Variants in RTL4 observed in about 807,000 individuals in gnomAD.
RTL4 encodes retrotransposon Gag like 4.
RTL4 carries 4 observed loss-of-function variants against 5.3 expected under a neutral mutation model. The ratio of observed to expected loss-of-function variants is 0.75; its 90% confidence interval spans 0.37 to 1.72. The LOEUF (loss-of-function observed/expected upper bound fraction) is 1.72, where lower values mean the gene tolerates loss of function less well. RTL4 is among the 40% of genes most tolerant of loss of function. The pLI is 0.04. For synonymous variants in RTL4, 98 were observed against 87.3 expected (o/e 1.12, Z -0.68); for missense variants, 260 against 227.1 (o/e 1.14, Z -0.93).
At chrX:112,124,647 G>A in the RTL4 span, among the ~76,000 whole-genome samples, 6 of 106,402 alleles carry the variant, frequency 5.6e-5, no homozygotes, top group Admixed American at 1.0e-4. Flanking sequence ...ACACAGGGAG[G>A]GGAACAACTC....
At chrX:112,226,012 G>A in the RTL4 span, among the ~76,000 whole-genome samples, 1 of 111,845 alleles carries the variant, frequency 8.9e-6, no homozygotes, top group Admixed American at 9.5e-5. Context: ...ACTGAACTCA[G>A]AGTTGGGAGG....
At chrX:112,364,941 T>C in the RTL4 span, among the ~76,000 whole-genome samples, 1 of 111,611 alleles carries the variant, frequency 9.0e-6, no homozygotes, top group African/African-American at 3.3e-5. Context: ...CTGTGCCAGG[T>C]ACAGGTATAC....
the RTL4 span, among the ~76,000 whole-genome samples, chrX:112,206,025 C>A: frequency 8.9e-6 from 1 of 111,898 alleles, no homozygotes; most frequent in East Asian, 2.8e-4. Context: ...TCCCTGTGCA[C>A]ATTTTGAATG....
rs967561415 is a variant in RTL4, at chrX:112,455,261, CCAAT to C, written c.536_539del (p.Asn179ArgfsTer9). On this transcript the variant is annotated frameshift_variant, in exon 1 of 1. Transcript: ENST00000340433. LOFTEE classifies it low-confidence loss of function (END_TRUNC). ...GCTCAAAATCTGATCTGTAATGAAACCAATCAGAGTGGTCAGTTCGAAAAGGCAC... is the reference window on the plus strand; with the variant it reads ...GCTCAAAATCTGATCTGTAATGAAACCAGAGTGGTCAGTTCGAAAAGGCAC... 7 of 1,209,439 alleles carry C rather than the reference CCAAT, an allele frequency of 5.8e-6. No individual in the cohort carries two copies. Among genetic ancestry groups the C allele is most frequent in the Non-Finnish European group, 7.8e-6 (7 of 895,089 alleles).
At chrX:112,185,637 T>A in the RTL4 span, among the ~76,000 whole-genome samples, 8 of 104,999 alleles carry the variant, frequency 7.6e-5, no homozygotes, top group African/African-American at 2.1e-4. Context: ...TCTCTCTCTC[T>A]CACACACACA....
At chrX:112,233,053 T>C in the RTL4 span, among the ~76,000 whole-genome samples, 1 of 111,417 alleles carries the variant, frequency 9.0e-6, no homozygotes, top group Non-Finnish European at 1.9e-5. Flanking sequence ...TGCAGTAGGA[T>C]TGAATCATCC....
chrX:112,206,380 AC>A, the RTL4 span, among the ~76,000 whole-genome samples: 1 of 110,771 alleles, frequency 9.0e-6, no homozygotes, highest in Non-Finnish European at 1.9e-5. Context: ...AAATCTTCCT[AC>A]CCATTGGCCA....
At chrX:112,377,849 A>T in the RTL4 span, among the ~76,000 whole-genome samples, 4 of 111,578 alleles carry the variant, frequency 3.6e-5, no homozygotes, top group African/African-American at 1.3e-4. Context: ...CACAATTTAG[A>T]CCCCACGTGT....
At chrX:112,149,070 A>AT in the RTL4 span, among the ~76,000 whole-genome samples, 6 of 110,843 alleles carry the variant, frequency 5.4e-5, no homozygotes, top group East Asian at 1.4e-3. Context: ...CAATTTAGTC[A>AT]TTTTTTTCTC....
At chrX:112,147,170 ACGATACC>A in the RTL4 span, among the ~76,000 whole-genome samples, 2 of 108,863 alleles carry the variant, frequency 1.8e-5, no homozygotes, top group Non-Finnish European at 3.8e-5. Context: ...TTTTTCAGCA[ACGATACC>A]CTCTCATCTC....
chrX:112,148,955 G>T, the RTL4 span, among the ~76,000 whole-genome samples: 3 of 111,519 alleles, frequency 2.7e-5, no homozygotes, highest in Non-Finnish European at 5.6e-5. Context: ...GGTGTTAATG[G>T]TGCCTCTAAG....
chrX:112,429,260 T>A, the RTL4 span, among the ~76,000 whole-genome samples: 1 of 111,559 alleles, frequency 9.0e-6, no homozygotes, highest in Non-Finnish European at 1.9e-5. Flanking sequence ...TTTTTTTGGT[T>A]TTAATTAAAC....
At chrX:112,312,995 G>A in the RTL4 span, among the ~76,000 whole-genome samples, 1 of 111,244 alleles carries the variant, frequency 9.0e-6, no homozygotes, top group Non-Finnish European at 1.9e-5. Context: ...GGAGTGCAGG[G>A]AATGTGTGTG....
chrX:112,189,182 C>T, the RTL4 span, among the ~76,000 whole-genome samples: 2 of 110,404 alleles, frequency 1.8e-5, no homozygotes, highest in Admixed American at 1.9e-4. Context: ...TTGCTTGAAG[C>T]CAGGAGCTAG....
At chrX:112,308,638 ACT>A in the RTL4 span, among the ~76,000 whole-genome samples, 1 of 108,827 alleles carries the variant, frequency 9.2e-6, no homozygotes, top group Non-Finnish European at 1.9e-5. Flanking sequence ...TTATGGTGAA[ACT>A]CTCTCTGTAC....
chrX:112,421,782 T>A, the RTL4 span, among the ~76,000 whole-genome samples: 6 of 112,225 alleles, frequency 5.3e-5, no homozygotes, highest in Non-Finnish European at 9.4e-5. Flanking sequence ...TTATTCTTAA[T>A]GGTTTTGTGT....
At chrX:112,102,826 A>C in the RTL4 span, among the ~76,000 whole-genome samples, 2 of 112,406 alleles carry the variant, frequency 1.8e-5, no homozygotes, top group Non-Finnish European at 3.8e-5. Flanking sequence ...AAACATATGA[A>C]TAAAAGGTCA....
the RTL4 span, among the ~76,000 whole-genome samples, chrX:112,146,681 T>G: frequency 9.1e-6 from 1 of 109,302 alleles, no homozygotes; most frequent in Non-Finnish European, 1.9e-5. Flanking sequence ...CCCTGAAATA[T>G]TAATGAATCA....
the RTL4 span, among the ~76,000 whole-genome samples, chrX:112,221,221 C>T: frequency 1.8e-5 from 2 of 111,396 alleles, no homozygotes; most frequent in Non-Finnish European, 1.9e-5. Context: ...GGAAAATTAC[C>T]TTATAAAACC....
Sources: gnomAD v4.1 joint callset for allele counts (sites outside exome capture counted in the v4.1 genomes callset) on GRCh38, gnomAD v4.1.1 for gene constraint, MANE v1.5 for transcripts, NCBI Gene and HGNC (gene_info 2026-07-23, HGNC 2026-07-21) for gene names.